Variants in GPC6 observed in about 807,000 individuals in gnomAD.
The protein encoded by GPC6 is glypican-6.
Under a neutral mutation model 55.2 loss-of-function variants are expected in GPC6, and 14 were observed. The ratio of observed to expected loss-of-function variants is 0.25; its 90% CI spans 0.17 to 0.40. GPC6 has a LOEUF of 0.40. GPC6 is among the 10% of genes least tolerant of loss of function. The pLI is 1.00. For missense variants in GPC6, 641 were observed against 708.5 expected (o/e 0.90, Z 1.08); for synonymous variants, 278 against 259.6 (o/e 1.07, Z -0.68).
chr13:94,236,366 T>C (rs1008127272), intron 4 of GPC6, among the ~76,000 whole-genome samples: 1 of 152,172 alleles, frequency 6.6e-6, no homozygotes, highest in Non-Finnish European at 1.5e-5. Context: ...GCAAGTATTT[T>C]AGTCCTTGAA....
chr13:94,346,705 A>G (rs1878307797), intron 6 of GPC6, among the ~76,000 whole-genome samples: 1 of 146,830 alleles, frequency 6.8e-6, no homozygotes, highest in Non-Finnish European at 1.5e-5. Flanking sequence ...CGGGCAACAG[A>G]GCAAGACTCC....
At chr13:93,440,608 G>A (rs888496428) in intron 1 of GPC6, among the ~76,000 whole-genome samples, 1 of 152,136 alleles carries the variant, frequency 6.6e-6, no homozygotes, top group Non-Finnish European at 1.5e-5. Context: ...ACTAGGTGGA[G>A]ATCAGGGAGG....
intron 1 of GPC6, among the ~76,000 whole-genome samples, chr13:93,480,011 T>C (rs897244630): frequency 6.6e-6 from 1 of 152,176 alleles, no homozygotes; most frequent in Admixed American, 6.5e-5. Flanking sequence ...AGATAAGAGT[T>C]GCATTTTAGA....
At position 93,523,279 on chromosome 13, in the gene GPC6, A is replaced by G. The variant is rs140695952; in HGVS notation, c.161-21984A>G. Among the ~76,000 whole-genome samples, 390 of 150,252 alleles carry G rather than the reference A, an allele frequency of 2.6e-3. 1 individual carries two copies. Among genetic ancestry groups the G allele is most frequent in the African/African-American group, 9.3e-3 (377 of 40,688 alleles). On this transcript the variant is annotated intron_variant, in intron 1 of 8. Coordinates refer to ENST00000377047, the MANE Select transcript of GPC6 (RefSeq NM_005708.5). ...TATGGATAATATTGTGTATATTTAT[A>G]TATGTGTGTGTAAATAACATATAAG...
intron 3 of GPC6, among the ~76,000 whole-genome samples, chr13:93,856,893 C>A (rs1463075842): frequency 1.3e-5 from 2 of 151,546 alleles, no homozygotes; most frequent in Admixed American, 1.3e-4. Flanking sequence ...TAGGCAAAGC[C>A]AAATTTCTTG....
chr13:93,737,814 G>C (rs958847654), intron 2 of GPC6, among the ~76,000 whole-genome samples: 6 of 152,032 alleles, frequency 3.9e-5, no homozygotes, highest in Admixed American at 3.9e-4. Context: ...TATTTTGGAT[G>C]TCTTTACAGA....
chr13:93,835,183 G>T (rs1014968982), intron 3 of GPC6, among the ~76,000 whole-genome samples: 8 of 152,218 alleles, frequency 5.3e-5, no homozygotes, highest in African/African-American at 1.9e-4. Context: ...GCATGGCATG[G>T]TGTCTCATAC....
chr13:93,765,517 C>T (rs1295394909), intron 2 of GPC6, among the ~76,000 whole-genome samples: 1 of 152,022 alleles, frequency 6.6e-6, no homozygotes, highest in African/African-American at 2.4e-5. Flanking sequence ...GTTTAACTTA[C>T]ATTTTCACTT....
chr13:93,367,203 C>A (rs1455205520), intron 1 of GPC6, among the ~76,000 whole-genome samples: 1 of 152,076 alleles, frequency 6.6e-6, no homozygotes, highest in Admixed American at 6.6e-5. Flanking sequence ...AAAATACTAT[C>A]AGAAAGAAAT....
intron 1 of GPC6, among the ~76,000 whole-genome samples, chr13:93,405,942 C>A (rs1876274678): frequency 6.6e-6 from 1 of 152,202 alleles, no homozygotes; most frequent in South Asian, 2.1e-4. Flanking sequence ...GCCCCACTCC[C>A]ATGTCTGGTA....
chr13:93,796,155 C>T (rs1322007411), intron 2 of GPC6, among the ~76,000 whole-genome samples: 1 of 151,600 alleles, frequency 6.6e-6, no homozygotes, highest in Non-Finnish European at 1.5e-5. Flanking sequence ...ATGATTGCAC[C>T]ACTGCACTCC....
At chr13:93,922,491 T>C (rs1877626679) in intron 3 of GPC6, among the ~76,000 whole-genome samples, 1 of 152,162 alleles carries the variant, frequency 6.6e-6, no homozygotes, top group Non-Finnish European at 1.5e-5. Context: ...ACTGTTGTCA[T>C]TTTGGGGGAG....
chr13:94,156,534 A>C (rs1887950329), intron 4 of GPC6, among the ~76,000 whole-genome samples: 1 of 152,094 alleles, frequency 6.6e-6, no homozygotes, highest in African/African-American at 2.4e-5. Context: ...CCACACCCAC[A>C]CCCCAAATGT....
At chr13:93,771,620 C>T (rs932451251) in intron 2 of GPC6, among the ~76,000 whole-genome samples, 4 of 151,904 alleles carry the variant, frequency 2.6e-5, no homozygotes, top group African/African-American at 9.7e-5. Context: ...ATACCTAATG[C>T]TAGATGACGA....
intron 1 of GPC6, among the ~76,000 whole-genome samples, chr13:93,493,943 C>G (rs1880144434): frequency 8.9e-6 from 1 of 112,598 alleles, no homozygotes; most frequent in East Asian, 3.6e-4. Flanking sequence ...TTACTTCCAA[C>G]TCTGTGGTCA....
chr13:93,839,029 C>A (rs1887849832), intron 3 of GPC6, among the ~76,000 whole-genome samples: 1 of 152,070 alleles, frequency 6.6e-6, no homozygotes, highest in Non-Finnish European at 1.5e-5. Flanking sequence ...GCAAAGCACG[C>A]CCTCCTGAAA....
At chr13:93,750,210 A>G (rs1884530266) in intron 2 of GPC6, among the ~76,000 whole-genome samples, 1 of 152,212 alleles carries the variant, frequency 6.6e-6, no homozygotes, top group Non-Finnish European at 1.5e-5. Flanking sequence ...TCAGGGAGAA[A>G]GTAGTAGTGA....
At chr13:94,075,143 A>G (rs968480664) in intron 4 of GPC6, among the ~76,000 whole-genome samples, 1 of 152,228 alleles carries the variant, frequency 6.6e-6, no homozygotes, top group South Asian at 2.1e-4. Flanking sequence ...TGGTGTGTGA[A>G]GTCATAACCA....
At chr13:93,357,373 A>C (rs1007092764) in intron 1 of GPC6, among the ~76,000 whole-genome samples, 1 of 152,030 alleles carries the variant, frequency 6.6e-6, no homozygotes, top group Non-Finnish European at 1.5e-5. Context: ...ACTGTAATTA[A>C]ATTTGTTTTT....
Sources: gnomAD v4.1 joint callset for allele counts (sites outside exome capture counted in the v4.1 genomes callset) on GRCh38, gnomAD v4.1.1 for gene constraint, MANE v1.5 for transcripts, NCBI Gene and HGNC (gene_info 2026-07-23, HGNC 2026-07-21) for gene names.